ZNF474: variants seen among roughly 807,000 people sequenced by gnomAD.
ZNF474 encodes the protein 4933409D10Rik.
For synonymous variants in ZNF474, 192 were observed against 162.2 expected (o/e 1.18, Z -1.39); for missense variants, 511 against 433.8 (o/e 1.18, Z -1.58).
chr5:122,150,943 G>A (rs1044351785), intron 1 of ZNF474, among the ~76,000 whole-genome samples: 1 of 152,132 alleles, frequency 6.6e-6, no homozygotes, highest in African/African-American at 2.4e-5. Flanking sequence ...CACCAGGATG[G>A]GTGCCGGCCT....
At chr5:122,144,526 T>C (rs1755934985) in intron 1 of ZNF474, among the ~76,000 whole-genome samples, 1 of 152,210 alleles carries the variant, frequency 6.6e-6, no homozygotes, top group African/African-American at 2.4e-5. Flanking sequence ...CCTTATTTTA[T>C]GTGACATCTC....
At chr5:122,133,919 C>A (rs998008458) in intron 1 of ZNF474, among the ~76,000 whole-genome samples, 9 of 152,066 alleles carry the variant, frequency 5.9e-5, no homozygotes, top group Non-Finnish European at 1.3e-4. Flanking sequence ...TTAGTTTTAC[C>A]AACTGGACCT....
chr5:122,147,354 T>C (rs1480284197), intron 1 of ZNF474, among the ~76,000 whole-genome samples: 1 of 152,234 alleles, frequency 6.6e-6, no homozygotes, highest in East Asian at 1.9e-4. Flanking sequence ...ATGTATCAAC[T>C]ATATTTCTTT....
At chr5:122,150,860 T>C (rs1049048079) in intron 1 of ZNF474, among the ~76,000 whole-genome samples, 1 of 152,164 alleles carries the variant, frequency 6.6e-6, no homozygotes, top group African/African-American at 2.4e-5. Flanking sequence ...GTAGGTATGA[T>C]ACCTTTTTAA....
At chr5:122,140,219 G>A (rs923925970) in intron 1 of ZNF474, among the ~76,000 whole-genome samples, 1 of 152,186 alleles carries the variant, frequency 6.6e-6, no homozygotes, top group African/African-American at 2.4e-5. Context: ...ATTAAAAACA[G>A]CAGTAGTGGA....
intron 1 of ZNF474, among the ~76,000 whole-genome samples, chr5:122,151,325 A>C (rs1166298658): frequency 6.6e-6 from 1 of 152,194 alleles, no homozygotes; most frequent in East Asian, 1.9e-4. Flanking sequence ...AATCCATGTC[A>C]CTAACAAGTT....
chr5:122,146,821 C>A (rs1464845734), intron 1 of ZNF474, among the ~76,000 whole-genome samples: 1 of 152,250 alleles, frequency 6.6e-6, no homozygotes, highest in African/African-American at 2.4e-5. Flanking sequence ...CTGTTCTCAA[C>A]TGGCTGCTAA....
intron 1 of ZNF474, among the ~76,000 whole-genome samples, chr5:122,132,525 G>A (rs996367246): frequency 1.3e-5 from 2 of 151,610 alleles, no homozygotes; most frequent in African/African-American, 2.4e-5. Flanking sequence ...AATTTATTAT[G>A]TTTTCTTTTA....
chr5:122,141,300 ATTTTTTTT>A lies in ZNF474; in HGVS notation c.-212-10461_-212-10454del, dbSNP rs368273210. On this transcript the variant is annotated intron_variant, in intron 1 of 1. Coordinates refer to ENST00000296600, the MANE Select transcript of ZNF474 (RefSeq NM_207317.3). The stretch of plus-strand genomic sequence containing the variant: ...CGAGTAGCTGGGATTACCCCTGGCT[ATTTTTTTT>A]TTTTTTTTTTTTTTTTTGTGAGAGG... Among the ~76,000 whole-genome samples the A allele has an allele frequency of 7.6e-3, 490 of 64,414 alleles. 4 individuals carry two copies. Among genetic ancestry groups the A allele is most frequent in the African/African-American group, 0.034 (461 of 13,638 alleles). 42.3% of individuals were successfully genotyped at this position (64,414 alleles called of 152,430 possible).
intron 1 of ZNF474, among the ~76,000 whole-genome samples, chr5:122,143,303 A>C (rs1481572350): frequency 3.3e-5 from 5 of 152,168 alleles, no homozygotes; most frequent in Admixed American, 2.0e-4. Flanking sequence ...CACACTTCTG[A>C]TACTAACACA....
chr5:122,139,596 C>T (rs1755784934), intron 1 of ZNF474, among the ~76,000 whole-genome samples: 1 of 151,948 alleles, frequency 6.6e-6, no homozygotes, highest in Admixed American at 6.6e-5. Flanking sequence ...GTATTTTTTC[C>T]ATATAATTAT....
chr5:122,147,426 C>T (rs1039485584), intron 1 of ZNF474, among the ~76,000 whole-genome samples: 2 of 152,148 alleles, frequency 1.3e-5, no homozygotes, highest in African/African-American at 4.8e-5. Context: ...GCACAACGTG[C>T]AGTTTCGATA....
chr5:122,150,195 A>G (rs1756128499), intron 1 of ZNF474, among the ~76,000 whole-genome samples: 1 of 152,202 alleles, frequency 6.6e-6, no homozygotes, highest in Non-Finnish European at 1.5e-5. Flanking sequence ...CCTATGTTCC[A>G]TAGATCTACT....
In ZNF474 at chr5:122,152,070, T is replaced by A. The variant is rs62382992; in HGVS notation, c.80T>A (p.Ile27Asn). ...FHHSKEPTFLINQAGLLSSDS... is the reference protein window; with the variant it reads ...FHHSKEPTFLNNQAGLLSSDS... ...CATTCTAAAGAACCCACTTTCCTTA[T>A]CAACCAAGCTGGGCTTCTCTCTAGT... The change falls in exon 2 of 2, where the codon ATC (isoleucine) becomes AAC (asparagine). Residue 27 changes from isoleucine (I) to asparagine (N), a missense_variant. Coordinates refer to ENST00000296600, the MANE Select transcript of ZNF474 (RefSeq NM_207317.3). 2,170 of 1,614,200 alleles carry A rather than the reference T, an allele frequency of 1.3e-3. 1 individual carries two copies. Among genetic ancestry groups the A allele is most frequent in the Non-Finnish European group, 1.7e-3 (1,963 of 1,180,018 alleles).
chr5:122,148,237 A>G (rs1756041836), intron 1 of ZNF474, among the ~76,000 whole-genome samples: 1 of 152,218 alleles, frequency 6.6e-6, no homozygotes. Context: ...ATTTCTCCAT[A>G]AGACACCTCC....
chr5:122,153,026 A>C lies in ZNF474; in HGVS notation c.1036A>C (p.Lys346Gln), dbSNP rs777052154. ...RNRAAPSVTD[K>Q]VIHATQDALG... ...CAGGGCAGCACCCAGTGTAACTGAT[A>C]AGGTAATTCATGCCACACAAGACGC... is the stretch of plus-strand genomic sequence containing the variant. The change falls in exon 2 of 2, where the codon AAG (lysine) becomes CAG (glutamine). Residue 346 changes from lysine (K) to glutamine (Q), a missense_variant. Coordinates refer to ENST00000296600, the MANE Select transcript of ZNF474 (RefSeq NM_207317.3). 1.9e-6 allele frequency: 3 copies of C among 1,614,138 alleles called. No homozygotes were observed. The highest frequency in any genetic ancestry group is 2.5e-6 in the Non-Finnish European group (3 of 1,180,020).
rs189134096 is a variant in ZNF474 at position 122,130,169 on chromosome 5, T to A, written c.-213+486T>A. On this transcript the variant is annotated intron_variant, in intron 1 of 1. Transcript: ENST00000296600. Reference sequence around the variant, plus strand: ...TACTCAGTTGTCTTGGCTTTTTTTTTAATTATTTGAGATAAAATCAACATG... The same window carrying A: ...TACTCAGTTGTCTTGGCTTTTTTTTAAATTATTTGAGATAAAATCAACATG... 1.0e-3 allele frequency among the ~76,000 whole-genome samples: 153 copies of A among 152,286 alleles called. 2 individuals carry two copies. Among genetic ancestry groups the A allele is most frequent in the African/African-American group, 3.2e-3 (131 of 41,556 alleles).
intron 1 of ZNF474, among the ~76,000 whole-genome samples, chr5:122,141,261 A>G (rs1195304665): frequency 7.1e-6 from 1 of 140,576 alleles, no homozygotes; most frequent in African/African-American, 2.7e-5. Context: ...AGCTATTCTC[A>G]TGCTTCAGAC....
chr5:122,152,362 C>T lies in ZNF474; in HGVS notation c.372C>T (p.Asn124=). 2 of 1,614,158 alleles carry T rather than the reference C, an allele frequency of 1.2e-6. No individual in the cohort carries two copies. The highest frequency in any genetic ancestry group is 1.7e-6 in the Non-Finnish European group (2 of 1,180,032). ...GCTTGCAGAAGTGGCATATTGAAAA[C>T]AGCAAGTTGCCCAAGCATTTGAGGA... is the stretch of plus-strand genomic sequence containing the variant. The part of the protein sequence containing the change: ...PQCLQKWHIE[N]SKLPKHLRRP... Residue 124 remains asparagine, a synonymous_variant, in exon 2 of 2, where the codon AAC becomes AAT. Coordinates refer to ENST00000296600, the MANE Select transcript of ZNF474 (RefSeq NM_207317.3).
Sources: allele counts gnomAD v4.1 joint callset (sites outside exome capture counted in the v4.1 genomes callset), GRCh38; gene constraint gnomAD v4.1.1; transcripts MANE v1.5; gene names NCBI Gene and HGNC (gene_info 2026-07-23, HGNC 2026-07-21).